KCNK10: variants seen among roughly 807,000 people sequenced by gnomAD.
KCNK10 encodes the protein potassium channel subfamily K member 10.
A neutral mutation model predicts 47.7 loss-of-function variants in KCNK10; 25 were observed. The observed-to-expected ratio is 0.52, with a 90% CI of 0.38 to 0.73. The LOEUF (loss-of-function observed/expected upper bound fraction) is 0.73, where lower values mean the gene tolerates loss of function less well. KCNK10 is among the 30% of genes least tolerant of loss of function. The pLI is 0.00. For missense variants in KCNK10, 563 were observed against 714.5 expected (o/e 0.79, Z 2.42); for synonymous variants, 303 against 285.6 (o/e 1.06, Z -0.61).
rs1379038330 is a variant in KCNK10, at chr14:88,260,915, A to G, written c.402+2287T>C. Among the ~76,000 whole-genome samples, 1 of 152,214 alleles carries G rather than the reference A, an allele frequency of 6.6e-6. No homozygotes were observed. Among genetic ancestry groups the G allele is most frequent in the Non-Finnish European group, 1.5e-5 (1 of 68,038 alleles). The stretch of plus-strand genomic sequence containing the variant: ...AAAACAGGACACCAGTCTTAATGGC[A>G]GCATCAGAATAAGGACCTCCACGCT... On this transcript the variant is annotated intron_variant, in intron 2 of 6. Coordinates refer to ENST00000319231, the MANE Select transcript of KCNK10 (RefSeq NM_138317.3). The surrounding 1 kb of genome is among the most constrained non-coding windows in gnomAD (Gnocchi z 4.5).
chr14:88,240,895 G>T (rs1886443086), intron 2 of KCNK10, 75 bp from the exon 3 acceptor site: 1 of 878,810 alleles, frequency 1.1e-6, no homozygotes, highest in South Asian at 1.5e-5. Context: ...AAAAAAAAAG[G>T]TTCCAATACA....
chr14:88,302,724 AT>A (rs1463437254), intron 1 of KCNK10, among the ~76,000 whole-genome samples: 4 of 152,188 alleles, frequency 2.6e-5, no homozygotes, highest in African/African-American at 7.2e-5. Flanking sequence ...AAATAAAAAA[AT>A]AAATAAATAA....
At chr14:88,218,172 T>A (rs1168576480) in intron 4 of KCNK10, among the ~76,000 whole-genome samples, 1 of 152,158 alleles carries the variant, frequency 6.6e-6, no homozygotes, top group African/African-American at 2.4e-5. Context: ...GAAATAGTAA[T>A]TATTTTAAGT....
chr14:88,252,207 G>A (rs1002288769), intron 2 of KCNK10, among the ~76,000 whole-genome samples: 2 of 151,948 alleles, frequency 1.3e-5, no homozygotes, highest in African/African-American at 2.4e-5. Flanking sequence ...GAGCCACCAC[G>A]CCCAGCCCCA....
intron 1 of KCNK10, among the ~76,000 whole-genome samples, chr14:88,279,975 C>T (rs1887613499): frequency 6.6e-6 from 1 of 152,186 alleles, no homozygotes; most frequent in Non-Finnish European, 1.5e-5. Context: ...TGCCTTTCAC[C>T]TCCCACCATG....
At chr14:88,204,696 T>C (rs1291901965) in intron 4 of KCNK10, among the ~76,000 whole-genome samples, 1 of 152,070 alleles carries the variant, frequency 6.6e-6, no homozygotes, top group Non-Finnish European at 1.5e-5. Flanking sequence ...GCCCCAATAC[T>C]GCTCCATTTT....
chr14:88,235,273 T>C, intron 3 of KCNK10: 1 of 456,450 alleles, frequency 2.2e-6, no homozygotes, highest in South Asian at 1.6e-5. Flanking sequence ...GAATATCCAG[T>C]TTGCCTGGGG....
chr14:88,225,803 TC>T (rs1566692330), intron 4 of KCNK10, among the ~76,000 whole-genome samples: 1 of 152,216 alleles, frequency 6.6e-6, no homozygotes, highest in Non-Finnish European at 1.5e-5. Context: ...AAAGGGTGCT[TC>T]CAAGAAGTTC....
chr14:88,193,633 C>T (rs1884820152), intron 4 of KCNK10, among the ~76,000 whole-genome samples: 1 of 152,184 alleles, frequency 6.6e-6, no homozygotes, highest in Non-Finnish European at 1.5e-5. Context: ...ACCATGAGAC[C>T]TGCATCCTCT....
rs34123372 is a variant in KCNK10 at position 88,181,415 on chromosome 14, CGT to C, written c.*4118_*4119del. ...GTGTGTGTGTGTGTGTGTATGTGTG[CGT>C]GTGTGTGTGTGTGTGTGTGTGTGAG... On this transcript the variant is annotated 3_prime_UTR_variant, in exon 7 of 7. Coordinates refer to ENST00000319231, the MANE Select transcript of KCNK10 (RefSeq NM_138317.3). 55,978 of 149,354 alleles carry C rather than the reference CGT, an allele frequency of 0.37. 10,693 individuals carry two copies. The highest frequency in any genetic ancestry group is 0.56 in the East Asian group (2,874 of 5,128). The allele number at this position is 149,354 out of a possible 1,614,324, so 9.3% of individuals were successfully genotyped here.
At chr14:88,274,751 G>T (rs1264786355) in intron 1 of KCNK10, among the ~76,000 whole-genome samples, 4 of 151,976 alleles carry the variant, frequency 2.6e-5, no homozygotes, top group African/African-American at 7.3e-5. Context: ...AAAAGGTGGG[G>T]CATCTACAAA....
chr14:88,217,845 C>T (rs1037520113), intron 4 of KCNK10, among the ~76,000 whole-genome samples: 1 of 152,078 alleles, frequency 6.6e-6, no homozygotes, highest in African/African-American at 2.4e-5. Context: ...GCCTCAGCCT[C>T]CCGAGTAGCT....
chr14:88,214,727 T>C (rs1180639222), intron 4 of KCNK10, among the ~76,000 whole-genome samples: 1 of 152,108 alleles, frequency 6.6e-6, no homozygotes, highest in Non-Finnish European at 1.5e-5. Flanking sequence ...AGCAGATACA[T>C]AAAGAACCAG....
intron 2 of KCNK10, among the ~76,000 whole-genome samples, chr14:88,248,055 C>T (rs1158931026): frequency 6.6e-6 from 1 of 152,220 alleles, no homozygotes; most frequent in Non-Finnish European, 1.5e-5. Flanking sequence ...TTTGGACTTA[C>T]ACTCTACAGG....
intron 1 of KCNK10, among the ~76,000 whole-genome samples, chr14:88,298,650 C>T (rs1049805560): frequency 2.0e-5 from 3 of 152,212 alleles, no homozygotes; most frequent in Admixed American, 2.0e-4. Context: ...TGACTACTCA[C>T]AAATTCATTG....
At chr14:88,213,984 G>A (rs1157490695) in intron 4 of KCNK10, among the ~76,000 whole-genome samples, 1 of 147,472 alleles carries the variant, frequency 6.8e-6, no homozygotes, top group African/African-American at 2.5e-5. Flanking sequence ...GTGTTGCCCA[G>A]GCTGGAGTGC....
intron 2 of KCNK10, among the ~76,000 whole-genome samples, chr14:88,248,315 AT>A (rs1282607560): frequency 5.3e-5 from 8 of 152,230 alleles, no homozygotes; most frequent in Non-Finnish European, 8.8e-5. Flanking sequence ...CTGAAATTTA[AT>A]ATTTAGATGA....
chr14:88,249,622 C>A (rs547076906), intron 2 of KCNK10, among the ~76,000 whole-genome samples: 1 of 152,316 alleles, frequency 6.6e-6, no homozygotes, highest in South Asian at 2.1e-4. Context: ...TAGAGCCGGA[C>A]TGCCTTGGCC....
intron 1 of KCNK10, among the ~76,000 whole-genome samples, chr14:88,269,585 T>C (rs1437894738): frequency 1.3e-5 from 2 of 152,012 alleles, no homozygotes; most frequent in Non-Finnish European, 2.9e-5. Context: ...CACAGATATA[T>C]GCCACCATGC....
Sources: allele counts gnomAD v4.1 joint callset (sites outside exome capture counted in the v4.1 genomes callset), GRCh38; gene constraint gnomAD v4.1.1; non-coding constraint Gnocchi (gnomAD v3.1); transcripts MANE v1.5; gene names NCBI Gene and HGNC (gene_info 2026-07-23, HGNC 2026-07-21).